The following STARD9 variants were observed in gnomAD, a reference collection of about 807,000 sequenced individuals.
The protein encoded by STARD9 is StAR related lipid transfer domain containing 9.
In STARD9, 346 loss-of-function variants were observed where a neutral mutation model predicts 399.8. The observed-to-expected ratio is 0.87, with a 90% CI of 0.79 to 0.95. STARD9 has a LOEUF of 0.95. Among genes scored for constraint, STARD9 ranks in the 40% least tolerant of loss-of-function variants. STARD9 has a pLI of 0.00. For missense variants in STARD9, 5,832 were observed against 5,667.5 expected (o/e 1.03, Z -0.93); for synonymous variants, 2,203 against 2,143.5 (o/e 1.03, Z -0.77).
rs766203267 is a variant in STARD9, at chr15:42,691,589, G to A, written c.10011G>A (p.Glu3337=). The change falls in exon 23 of 33, where the codon GAG becomes GAA. Residue 3337 remains glutamate, a synonymous_variant. Transcript: ENST00000290607. ...TCGGCTCTTCTCGTTCTCTTCAGGAGCTGAACTTGAGTGTGGAGCCTCCTT... is the reference window on the plus strand; with the variant it reads ...TCGGCTCTTCTCGTTCTCTTCAGGAACTGAACTTGAGTGTGGAGCCTCCTT... ...SVVGSSRSLQ[E]LNLSVEPPSP... is the part of the protein sequence containing the mutation. 7.2e-6 allele frequency: 11 copies of A among 1,537,256 alleles called. No individual in the cohort carries two copies. The highest frequency in any genetic ancestry group is 7.8e-6 in the Non-Finnish European group (9 of 1,146,914).
chr15:42,695,681 G>T (rs1288184606), intron 25 of STARD9, 62 bp from the exon 26 acceptor site: 6 of 1,501,138 alleles, frequency 4.0e-6, no homozygotes, highest in South Asian at 3.9e-5. Flanking sequence ...GTAGGAAAAG[G>T]CGTGGCCTGG....
chr15:42,659,934 A>G (rs1029224855), intron 9 of STARD9, among the ~76,000 whole-genome samples: 2 of 152,202 alleles, frequency 1.3e-5, no homozygotes, highest in African/African-American at 4.8e-5. Context: ...CATAACTGTT[A>G]TTTGTAATTA....
At chr15:42,709,436 C>T (rs1274693741) in intron 26 of STARD9, among the ~76,000 whole-genome samples, 2 of 152,306 alleles carry the variant, frequency 1.3e-5, no homozygotes, top group Admixed American at 1.3e-4. Flanking sequence ...CCTGTAATCC[C>T]AGCACTTTGG....
rs201398317 is a variant in STARD9 at position 42,591,136 on chromosome 15, A to G, written c.234+5499A>G. On this transcript the variant is annotated intron_variant, in intron 3 of 32. Coordinates refer to ENST00000290607, the MANE Select transcript of STARD9 (RefSeq NM_020759.3). Reference sequence around the variant, plus strand: ...TACTGTGCATTGTAGAATGTTTAGCAGCATTCCTGGCCTCTACCCACTTGA... The same window carrying G: ...TACTGTGCATTGTAGAATGTTTAGCGGCATTCCTGGCCTCTACCCACTTGA... 2.6e-5 allele frequency among the ~76,000 whole-genome samples: 4 copies of G among 152,342 alleles called. No individual in the cohort carries two copies. In the East Asian group the frequency reaches 7.7e-4, roughly 29 times the overall value.
rs534496934 is a variant in STARD9, at chr15:42,715,471, A to G, written c.13285-1206A>G. ...GCAGAGGGGAGGATCACTTGAGCCC[A>G]GGAGTCTAAGACCAACATGGGCAAC... On this transcript the variant is annotated intron_variant, in intron 26 of 32. Transcript: ENST00000290607. 6.4e-4 allele frequency among the ~76,000 whole-genome samples: 98 copies of G among 152,088 alleles called. No individual in the cohort carries two copies. The South Asian group carries it at 0.019, about 30-fold the overall frequency.
At chr15:42,664,247 G>C (rs139776300) in intron 13 of STARD9, among the ~76,000 whole-genome samples, 1 of 152,258 alleles carries the variant, frequency 6.6e-6, no homozygotes, top group East Asian at 1.9e-4. Context: ...GTCTCACTCT[G>C]TCACCCAGGC....
At chr15:42,705,578 G>A (rs1229377575) in intron 26 of STARD9, among the ~76,000 whole-genome samples, 5 of 151,914 alleles carry the variant, frequency 3.3e-5, no homozygotes, top group Admixed American at 6.6e-5. Flanking sequence ...GGGACTACAG[G>A]CATGCATCAC....
chr15:42,664,904 A>G (rs2060063288), intron 13 of STARD9, among the ~76,000 whole-genome samples: 1 of 152,094 alleles, frequency 6.6e-6, no homozygotes, highest in Non-Finnish European at 1.5e-5. Flanking sequence ...GTTAGTACCT[A>G]CTACCTATAC....
At chr15:42,650,761 A>G (rs1241495087) in intron 7 of STARD9, among the ~76,000 whole-genome samples, 1 of 152,202 alleles carries the variant, frequency 6.6e-6, no homozygotes, top group African/African-American at 2.4e-5. Flanking sequence ...TTGTTAGCAT[A>G]TGGTCTATAT....
intron 9 of STARD9, among the ~76,000 whole-genome samples, chr15:42,656,217 C>T (rs529619767): frequency 1.4e-3 from 207 of 151,002 alleles, no homozygotes; most frequent in African/African-American, 4.7e-3. Flanking sequence ...TTTGCTGTTG[C>T]GCTCCTGTAG....
rs930861351 is a variant in STARD9, at chr15:42,689,007, A to C, written c.7429A>C (p.Ser2477Arg). The C allele has an allele frequency of 2.7e-5, 41 of 1,537,248 alleles. No individual in the cohort carries two copies. The African/African-American group carries it at 4.0e-4, about 15-fold the overall frequency. ...EVAVQKEIRV[S>R]SLNKVSSQPE... ...GGCTGTACAAAAAGAAATAAGAGTC[A>C]GTTCACTGAACAAGGTCTCTAGCCA... The change falls in exon 23 of 33, where the codon AGT becomes CGT. Residue 2477 changes from serine (S) to arginine (R), a missense_variant. Physicochemically the swap from Ser to Arg is moderately radical, Grantham distance 110. Transcript: ENST00000290607.
chr15:42,650,145 GA>G (rs1218304427), intron 7 of STARD9, among the ~76,000 whole-genome samples: 1 of 152,188 alleles, frequency 6.6e-6, no homozygotes, highest in African/African-American at 2.4e-5. Flanking sequence ...TTACAGGCAT[GA>G]ACCACAGTGC....
chr15:42,674,534 T>C (rs2060270163), intron 17 of STARD9, 43 bp downstream of exon 17: 2 of 1,513,296 alleles, frequency 1.3e-6, no homozygotes, highest in Non-Finnish European at 1.8e-6. Context: ...GGGGCTAGTA[T>C]TTGTGCCCGA....
chr15:42,716,668 C>T lies in STARD9; in HGVS notation c.13285-9C>T, dbSNP rs1352542179. On this transcript the variant is annotated splice_polypyrimidine_tract_variant and intron_variant, in intron 26 of 32. Coordinates refer to ENST00000290607, the MANE Select transcript of STARD9 (RefSeq NM_020759.3). ...TCTGGCTCTGTCCTGAGTATCCTCT[C>T]TTCTGCAGGGGCATACAAACTTGCC... The T allele has an allele frequency of 6.6e-7, 1 of 1,521,870 alleles. No individual in the cohort carries two copies. Among genetic ancestry groups the T allele is most frequent in the Non-Finnish European group, 8.8e-7 (1 of 1,133,066 alleles). 94.3% of individuals were successfully genotyped at this position (1,521,870 alleles called of 1,614,324 possible). A position where few individuals can be genotyped will look rare whatever the true frequency, so the allele number is the denominator to read the frequency against.
intron 3 of STARD9, among the ~76,000 whole-genome samples, chr15:42,589,528 G>A (rs1305182714): frequency 3.3e-5 from 5 of 151,752 alleles, no homozygotes; most frequent in Non-Finnish European, 5.9e-5. Context: ...GTTCCAGAAC[G>A]TCATAAAAAT....
Position 42,688,936 on chromosome 15 carries a change from T to C in STARD9, c.7358T>C (p.Leu2453Ser), listed in dbSNP as rs2140260608. 2.6e-6 allele frequency: 4 copies of C among 1,537,392 alleles called. No individual in the cohort carries two copies. In the South Asian group the frequency reaches 4.8e-5, roughly 18 times the overall value. The change falls in exon 23 of 33, where the codon TTG becomes TCG. Residue 2453 changes from leucine to serine, a missense_variant. Transcript: ENST00000290607. ...QDHGKDLRIT[L>S]LGFSTSEDFA... is the part of the protein sequence containing the mutation. ...CATGGAAAGGACCTCAGAATCACCT[T>C]GCTGGGTTTCAGTACCAGTGAAGAT...
intron 25 of STARD9, 121 bp from the exon 26 acceptor site, chr15:42,695,622 G>A (rs535743914): frequency 1.7e-6 from 2 of 1,172,092 alleles, no homozygotes; most frequent in Non-Finnish European, 2.3e-6. Context: ...GAGGCCCTGG[G>A]AGGTGGGTGA....
At chr15:42,719,014 C>A in intron 32 of STARD9, 104 bp downstream of exon 32, 2 of 1,107,068 alleles carry the variant, frequency 1.8e-6, no homozygotes, top group Non-Finnish European at 1.3e-6. Context: ...GTGCCCAGGC[C>A]CTTTGGCCTG....
chr15:42,691,024 G>T lies in STARD9; in HGVS notation c.9446G>T (p.Gly3149Val). 6.5e-7 allele frequency: 1 copy of T among 1,537,158 alleles called. No homozygotes were observed. The highest frequency in any genetic ancestry group is 8.7e-7 in the Non-Finnish European group (1 of 1,146,888). ...CCACACACCCTGGATTTAAGTGAAG[G>T]GTCTGCTGAGAGCAAGTTGGTGGTA... ...QGPHTLDLSE[G>V]SAESKLVVEP... Residue 3149 changes from glycine to valine, a missense_variant, in exon 23 of 33, where the codon GGG (glycine) becomes GTG (valine). Transcript: ENST00000290607.
Sources: gnomAD v4.1 joint callset for allele counts (sites outside exome capture counted in the v4.1 genomes callset) on GRCh38, gnomAD v4.1.1 for gene constraint, MANE v1.5 for transcripts, NCBI Gene and HGNC (gene_info 2026-07-23, HGNC 2026-07-21) for gene names.